The following IAH1 variants were observed in gnomAD, a reference collection of about 807,000 sequenced individuals.
IAH1 encodes the protein isoamyl acetate hydrolyzing esterase 1 (putative).
IAH1 carries 24 observed loss-of-function variants against 26.7 expected under a neutral mutation model. The ratio of observed to expected loss-of-function variants is 0.90; its 90% CI spans 0.65 to 1.26. IAH1 has a LOEUF of 1.26. Ranked by LOEUF, IAH1 falls within the 50% of genes most tolerant of loss-of-function variation. The pLI, the probability that IAH1 is intolerant of heterozygous loss-of-function variation, is 0.00. For synonymous variants in IAH1, 140 were observed against 118.5 expected (o/e 1.18, Z -1.18); for missense variants, 300 against 299.9 (o/e 1.00, Z 0.00).
rs911907608 is a variant in IAH1 at position 9,489,316 on chromosome 2, A to C, written c.*987A>C. On this transcript the variant is annotated 3_prime_UTR_variant, in exon 6 of 6. Coordinates refer to ENST00000497473, the MANE Select transcript of IAH1 (RefSeq NM_001039613.3). ...AGTCTCACTCTGTCACCCAGGCTGG[A>C]GTGTAGTGGCGCAACCTCAGCCTCT... The C allele has an allele frequency of 7.9e-6, 1 of 125,796 alleles. No homozygotes were observed. Among genetic ancestry groups the C allele is most frequent in the Non-Finnish European group, 1.5e-5 (1 of 64,594 alleles). The allele number at this position is 125,796 out of a possible 1,614,324, so 7.8% of individuals were successfully genotyped here.
At chr2:9,490,813 T>A (rs1424361091), downstream of IAH1, among the ~76,000 whole-genome samples, 2 of 152,202 alleles carry the variant, frequency 1.3e-5, no homozygotes, top group Admixed American at 1.3e-4. Context: ...CAAGGTAAGA[T>A]CCCAAGAGAG....
chr2:9,503,727 A>G, the IAH1 span, among the ~76,000 whole-genome samples: 1 of 151,846 alleles, frequency 6.6e-6, no homozygotes, highest in African/African-American at 2.4e-5. Flanking sequence ...AATCCCAGCT[A>G]CTGGGGAGGC....
chr2:9,495,694 AGAGT>A (rs1662525755), intron 6 of IAH1, among the ~76,000 whole-genome samples: 1 of 144,790 alleles, frequency 6.9e-6, no homozygotes, highest in African/African-American at 2.7e-5. Flanking sequence ...AGCCTGGGCG[AGAGT>A]GAGACTCCAT....
At chr2:9,493,777 A>G (rs1662345821), downstream of IAH1, 2 of 1,613,978 alleles carry the variant, frequency 1.2e-6, no homozygotes, top group African/African-American at 2.7e-5. Context: ...TGGTCAATGA[A>G]ATCCCAAAAT....
At position 9,474,726 on chromosome 2, in the gene IAH1, GT is replaced by G; in HGVS notation, c.81+80del. 1 of 1,114,194 alleles carries G rather than the reference GT, an allele frequency of 9.0e-7. No homozygotes were observed. Among genetic ancestry groups the G allele is most frequent in the Non-Finnish European group, 1.2e-6 (1 of 806,114 alleles). 69.0% of individuals were successfully genotyped at this position (1,114,194 alleles called of 1,614,324 possible). A position where few individuals can be genotyped will look rare whatever the true frequency, so the allele number is the denominator to read the frequency against. On this transcript the variant is annotated intron_variant, in intron 1 of 5. Transcript: ENST00000497473. This position sits in a 1 kb window ranked among gnomAD's most constrained non-coding sequence, Gnocchi z 4.3. The stretch of plus-strand genomic sequence containing the variant: ...GCCGAGCAGGCCGAGGCTCCTCGCC[GT>G]CCTCTTCGGCGCCCGAGACGGCTGG...
At position 9,474,972 on chromosome 2, in the gene IAH1, C is replaced by G. The variant is rs1682393412; in HGVS notation, c.81+325C>G. 7.4e-6 allele frequency: 8 copies of G among 1,083,836 alleles called. No individual in the cohort carries two copies. The highest frequency in any genetic ancestry group is 9.1e-6 in the Non-Finnish European group (8 of 881,154). The allele number at this position is 1,083,836 out of a possible 1,614,324, so 67.1% of individuals were successfully genotyped here. On this transcript the variant is annotated intron_variant, in intron 1 of 5. Transcript: ENST00000497473. This position sits in a 1 kb window ranked among gnomAD's most constrained non-coding sequence, Gnocchi z 4.3. The stretch of plus-strand genomic sequence containing the variant: ...TTCCCCTCAGCGCCCTCCTGGGCAG[C>G]GGCCTTTCCCCTCCGGGTCCGGGTT...
chr2:9,488,915 AAG>A lies in IAH1; in HGVS notation c.*587_*588del, dbSNP rs1386073755. 2 of 152,226 alleles carry A rather than the reference AAG, an allele frequency of 1.3e-5. No homozygotes were observed. The highest frequency in any genetic ancestry group is 2.9e-5 in the Non-Finnish European group (2 of 68,028). The allele number at this position is 152,226 out of a possible 1,614,324, so 9.4% of individuals were successfully genotyped here. On this transcript the variant is annotated 3_prime_UTR_variant, in exon 6 of 6. Transcript: ENST00000497473. The stretch of plus-strand genomic sequence containing the variant: ...CACATTTCAGTTCTTAGGGGAAAAA[AAG>A]CTTTTAATGGCAATTTATAGAAATC...
At chr2:9,488,115 A>G (rs1170919614) in intron 5 of IAH1, 32 bp from the exon 6 acceptor site, 3 of 1,506,510 alleles carry the variant, frequency 2.0e-6, no homozygotes, top group Non-Finnish European at 2.7e-6. Flanking sequence ...GTGGCCAGTT[A>G]CCCACCTTTA....
At chr2:9,490,097 A>G (rs1232724474), downstream of IAH1, 1 of 1,326,106 alleles carries the variant, frequency 7.5e-7, no homozygotes, top group Non-Finnish European at 1.0e-6. Flanking sequence ...AGTCTTCACA[A>G]AATACAAGCT....
chr2:9,474,296 G>C (rs1364460844), upstream of IAH1, among the ~76,000 whole-genome samples: 3 of 152,168 alleles, frequency 2.0e-5, no homozygotes, highest in African/African-American at 4.8e-5. This position sits in a 1 kb window ranked among gnomAD's most constrained non-coding sequence, Gnocchi z 4.3. Context: ...CGCGGAGCGC[G>C]GGGTGGGCTT....
Position 9,478,324 on chromosome 2 carries a change from A to G in IAH1, c.237A>G (p.Pro79=). The change falls in exon 3 of 6, where the codon CCA becomes CCG. Residue 79 remains proline (P), a synonymous_variant. Transcript: ENST00000497473. ...LIRKGNSLDI[P]VAVTIFFGAN... is the part of the protein sequence containing the mutation. ...GGAAAGGAAACAGTTTGGACATCCC[A>G]GTAGCAGTTACAATTTTCTTTGGGG... 1 of 1,612,414 alleles carries G rather than the reference A, an allele frequency of 6.2e-7. No individual in the cohort carries two copies. Among genetic ancestry groups the G allele is most frequent in the Non-Finnish European group, 8.5e-7 (1 of 1,179,040 alleles).
the IAH1 span, among the ~76,000 whole-genome samples, chr2:9,503,842 A>G: frequency 1.3e-5 from 2 of 150,672 alleles, no homozygotes; most frequent in East Asian, 3.9e-4. Flanking sequence ...CGTCTCAAAA[A>G]AAAAAAAAAA....
At chr2:9,504,250 T>G in the IAH1 span, among the ~76,000 whole-genome samples, 3 of 151,078 alleles carry the variant, frequency 2.0e-5, no homozygotes, top group East Asian at 3.9e-4. Flanking sequence ...ATCGAGACCA[T>G]CCTGGCCAAC....
chr2:9,476,669 G>A (rs1216805811), intron 2 of IAH1, among the ~76,000 whole-genome samples: 1 of 152,166 alleles, frequency 6.6e-6, no homozygotes. Flanking sequence ...TGTTAGCAGG[G>A]GAAGGGGGTC....
chr2:9,478,344 T>G lies in IAH1; in HGVS notation c.257T>G (p.Phe86Cys). The G allele has an allele frequency of 6.2e-7, 1 of 1,611,114 alleles. No individual in the cohort carries two copies. Among genetic ancestry groups the G allele is most frequent in the Non-Finnish European group, 8.5e-7 (1 of 1,178,422 alleles). ...LDIPVAVTIF[F>C]GANDSALKDE... is the part of the protein sequence containing the mutation. ...ATCCCAGTAGCAGTTACAATTTTCT[T>G]TGGGGCCAATGACAGTGCACTAAAA... Residue 86 changes from phenylalanine (F) to cysteine (C), a missense_variant, in exon 3 of 6, where the codon TTT becomes TGT. Physicochemically the swap from Phe to Cys is radical, Grantham distance 205 (BLOSUM62 -2). Coordinates refer to ENST00000497473, the MANE Select transcript of IAH1 (RefSeq NM_001039613.3).
At position 9,478,280 on chromosome 2, in the gene IAH1, ATCCT is replaced by A; in HGVS notation, c.197_200del (p.Leu66GlnfsTer3). On this transcript the variant is annotated frameshift_variant, in exon 3 of 6. Transcript: ENST00000497473. LOFTEE classifies it high-confidence loss of function. ...TTACAATACCAGGTGGGCCAAAATT[ATCCT>A]TCCAAGATTAATCAGGAAAGGAAAC... The A allele has an allele frequency of 1.2e-6, 2 of 1,613,152 alleles. No homozygotes were observed. Among genetic ancestry groups the A allele is most frequent in the Non-Finnish European group, 1.7e-6 (2 of 1,179,510 alleles).
chr2:9,492,252 A>G (rs911242917), downstream of IAH1, among the ~76,000 whole-genome samples: 1 of 152,230 alleles, frequency 6.6e-6, no homozygotes, highest in African/African-American at 2.4e-5. Context: ...ACAAATCCCC[A>G]TTCCCCACAG....
chr2:9,482,032 C>CTTTTTTTT (rs58813442), intron 4 of IAH1, among the ~76,000 whole-genome samples: 21 of 134,642 alleles, frequency 1.6e-4, no homozygotes, highest in African/African-American at 5.3e-4. Context: ...TGGAAGTTCT[C>CTTTTTTTT]TTTTTTTTTT....
downstream of IAH1, among the ~76,000 whole-genome samples, chr2:9,498,453 GA>G (rs756351254): frequency 1.4e-4 from 22 of 151,848 alleles, no homozygotes; most frequent in Admixed American, 2.0e-4. Context: ...TAGAGGAGGA[GA>G]AAAAAAACAC....
Sources: gnomAD v4.1 joint callset for allele counts (sites outside exome capture counted in the v4.1 genomes callset) on GRCh38, gnomAD v4.1.1 for gene constraint, Gnocchi (gnomAD v3.1) non-coding constraint, MANE v1.5 for transcripts, NCBI Gene and HGNC (gene_info 2026-07-23, HGNC 2026-07-21) for gene names.